HSD17B2: variants seen among roughly 807,000 people sequenced by gnomAD.
HSD17B2 encodes 17-beta-hydroxysteroid dehydrogenase type 2.
In HSD17B2, 32 loss-of-function variants were observed where a neutral mutation model predicts 26.9. The ratio of observed to expected loss-of-function variants is 1.19; its 90% CI spans 0.90 to 1.60. The LOEUF (loss-of-function observed/expected upper bound fraction) is 1.60, where lower values mean the gene tolerates loss of function less well. HSD17B2 is among the 40% of genes most tolerant of loss of function. The pLI is 0.00. For synonymous variants in HSD17B2, 246 were observed against 186.7 expected (o/e 1.32, Z -2.59); for missense variants, 613 against 468.6 (o/e 1.31, Z -2.85).
chr16:82,072,608 A>C lies in HSD17B2; in HGVS notation c.664+1481A>C, dbSNP rs72550715. On this transcript the variant is annotated intron_variant, in intron 3 of 4. Transcript: ENST00000199936. ...TCAACTTTGAGCAACACCTTCACTC[A>C]TATGAGTTCACTTTAGTTATTGCCA... Among the ~76,000 whole-genome samples, 322 of 152,252 alleles carry C rather than the reference A, an allele frequency of 2.1e-3. 2 individuals carry two copies. Among genetic ancestry groups the C allele is most frequent in the African/African-American group, 7.1e-3 (293 of 41,534 alleles).
At chr16:82,035,722 G>T (rs1195301647) in intron 1 of HSD17B2, 33 bp downstream of exon 1, 2 of 1,601,470 alleles carry the variant, frequency 1.2e-6, no homozygotes, top group Admixed American at 1.7e-5. Context: ...TTCACTGAGG[G>T]TATGATCTGA....
rs117437228 is a variant in HSD17B2 at position 82,090,913 on chromosome 16, A to G, written c.676A>G (p.Met226Val). 14,122 of 1,611,502 alleles carry G rather than the reference A, an allele frequency of 8.8e-3. 94 individuals carry two copies. Among genetic ancestry groups the G allele is most frequent in the Non-Finnish European group, 0.01 (12,224 of 1,178,884 alleles). The part of the protein sequence containing the change: ...NVSSMGGGAP[M>V]ERLASYGSSK... ...CATTATTCCCATAGGAGGGGCCCCA[A>G]TGGAAAGGCTGGCATCTTATGGCTC... Residue 226 changes from methionine to valine, a missense_variant, in exon 4 of 5, where the codon ATG (methionine) becomes GTG (valine). Transcript: ENST00000199936.
chr16:82,089,229 C>A (rs1448693562), intron 3 of HSD17B2, among the ~76,000 whole-genome samples: 2 of 152,160 alleles, frequency 1.3e-5, no homozygotes, highest in African/African-American at 2.4e-5. Flanking sequence ...AGAGTACATA[C>A]CCTTTTGTGT....
chr16:82,068,792 G>A (rs1313658433), intron 2 of HSD17B2, among the ~76,000 whole-genome samples: 1 of 152,064 alleles, frequency 6.6e-6, no homozygotes, highest in East Asian at 1.9e-4. Flanking sequence ...ACGCTCCACG[G>A]AACCCTGTAG....
chr16:82,067,231 A>C (rs1166795386), intron 1 of HSD17B2, among the ~76,000 whole-genome samples: 3 of 152,216 alleles, frequency 2.0e-5, no homozygotes, highest in African/African-American at 7.2e-5. Flanking sequence ...CCAACAAGAG[A>C]TCCCTGCAGG....
intron 3 of HSD17B2, among the ~76,000 whole-genome samples, chr16:82,084,334 C>A (rs1286997455): frequency 6.6e-6 from 1 of 152,054 alleles, no homozygotes; most frequent in African/African-American, 2.4e-5. Context: ...GTAGCACCCA[C>A]CCCTAATTGT....
chr16:82,097,316 G>A lies in HSD17B2; in HGVS notation c.803-759G>A, dbSNP rs564084877. 7 of 148,922 alleles carry A rather than the reference G, an allele frequency of 4.7e-5. No homozygotes were observed. In the South Asian group the frequency reaches 1.5e-3, roughly 31 times the overall value. 9.2% of individuals were successfully genotyped at this position (148,922 alleles called of 1,614,324 possible). Reference sequence around the variant, plus strand: ...TGTATATATATATACACATATATATGTGTGTGTATATATATATACACATTA... The same window carrying A: ...TGTATATATATATACACATATATATATGTGTGTATATATATATACACATTA... On this transcript the variant is annotated intron_variant, in intron 4 of 4. Transcript: ENST00000199936.
intron 3 of HSD17B2, among the ~76,000 whole-genome samples, chr16:82,083,274 C>T (rs1266514946): frequency 2.0e-5 from 3 of 152,102 alleles, no homozygotes. Context: ...CGGTGTCCTT[C>T]CCTCCTACAT....
chr16:82,073,862 A>C (rs1474659684), intron 3 of HSD17B2, among the ~76,000 whole-genome samples: 1 of 152,244 alleles, frequency 6.6e-6, no homozygotes, highest in Non-Finnish European at 1.5e-5. Flanking sequence ...TTAAAAATTA[A>C]TATGGAACCA....
chr16:82,080,098 G>C (rs1372802744), intron 3 of HSD17B2, among the ~76,000 whole-genome samples: 1 of 152,154 alleles, frequency 6.6e-6, no homozygotes, highest in Non-Finnish European at 1.5e-5. Context: ...CACCAGCCAG[G>C]AAAAACTGAG....
intron 3 of HSD17B2, among the ~76,000 whole-genome samples, chr16:82,079,993 G>A (rs1406174579): frequency 6.6e-6 from 1 of 152,006 alleles, no homozygotes; most frequent in South Asian, 2.1e-4. Flanking sequence ...GAAGCACGTG[G>A]TTGCCCTGAC....
chr16:82,068,447 T>C, intron 2 of HSD17B2, 65 bp downstream of exon 2: 6 of 1,355,364 alleles, frequency 4.4e-6, no homozygotes, highest in Non-Finnish European at 6.1e-6. Context: ...TGTTCCGGCT[T>C]AGGCTGAACA....
In HSD17B2 at chr16:82,090,908, C is replaced by T. The variant is rs1456160734; in HGVS notation, c.671C>T (p.Ala224Val). The T allele has an allele frequency of 1.2e-6, 2 of 1,611,006 alleles. No individual in the cohort carries two copies. The highest frequency in any genetic ancestry group is 1.7e-6 in the Non-Finnish European group (2 of 1,178,662). Reference protein sequence around the residue: ...LVNVSSMGGGAPMERLASYGS... With the variant: ...LVNVSSMGGGVPMERLASYGS... ...TCTCCCATTATTCCCATAGGAGGGG[C>T]CCCAATGGAAAGGCTGGCATCTTAT... Residue 224 changes from alanine (A) to valine (V), a missense_variant, in exon 4 of 5, where the codon GCC (alanine) becomes GTC (valine). By Grantham distance (64) the Ala-to-Val change is moderately conservative. Transcript: ENST00000199936.
chr16:82,052,138 A>C (rs1914127265), intron 1 of HSD17B2, among the ~76,000 whole-genome samples: 1 of 152,154 alleles, frequency 6.6e-6, no homozygotes, highest in Non-Finnish European at 1.5e-5. Context: ...TAGTTTGCTG[A>C]GACTATTCTT....
chr16:82,039,291 C>G (rs1033078060), intron 1 of HSD17B2, among the ~76,000 whole-genome samples: 5 of 149,994 alleles, frequency 3.3e-5, no homozygotes, highest in Non-Finnish European at 7.4e-5. Flanking sequence ...ACACACACAC[C>G]CCTGCATATG....
intron 1 of HSD17B2, among the ~76,000 whole-genome samples, chr16:82,066,606 C>T (rs1914578318): frequency 1.3e-5 from 2 of 152,164 alleles, no homozygotes; most frequent in Non-Finnish European, 2.9e-5. Flanking sequence ...TGCCTGTCCT[C>T]CTAAGGAAAA....
chr16:82,086,828 C>A (rs151308517), intron 3 of HSD17B2, among the ~76,000 whole-genome samples: 175 of 152,300 alleles, frequency 1.1e-3, no homozygotes, highest in African/African-American at 3.7e-3. Flanking sequence ...GTTTAGAAGT[C>A]CCAGATCAGC....
In HSD17B2 at chr16:82,054,861, T is replaced by C. The variant is rs1735603036; in HGVS notation, c.266-13309T>C. On this transcript the variant is annotated intron_variant, in intron 1 of 4. Transcript: ENST00000199936. The stretch of plus-strand genomic sequence containing the variant: ...TAAGTCAACTCAAGTCACACCTTGG[T>C]TCAAAACTTTCTGATGATATCTCTC... 2.6e-5 allele frequency among the ~76,000 whole-genome samples: 4 copies of C among 152,200 alleles called. No homozygotes were observed. The South Asian group carries it at 8.3e-4, about 32-fold the overall frequency.
intron 1 of HSD17B2, among the ~76,000 whole-genome samples, chr16:82,061,123 G>A (rs917675501): frequency 2.6e-5 from 4 of 152,040 alleles, no homozygotes; most frequent in African/African-American, 9.7e-5. Flanking sequence ...GCTGGGCATG[G>A]TGGCAGGTGC....
Sources: gnomAD v4.1 joint callset for allele counts (sites outside exome capture counted in the v4.1 genomes callset) on GRCh38, gnomAD v4.1.1 for gene constraint, MANE v1.5 for transcripts, NCBI Gene and HGNC (gene_info 2026-07-23, HGNC 2026-07-21) for gene names.